STPG2: variants seen among roughly 807,000 people sequenced by gnomAD.
STPG2 encodes the protein sperm tail PG-rich repeat containing 2.
A neutral mutation model predicts 54.2 loss-of-function variants in STPG2; 56 were observed. The ratio of observed to expected loss-of-function variants is 1.03; its 90% CI spans 0.83 to 1.29. The LOEUF is 1.29. STPG2 is among the 50% of genes most tolerant of loss of function. The probability of loss-of-function intolerance (pLI) is 0.00; values close to 1 mark genes in which losing one functional copy is unlikely to be tolerated. For missense variants in STPG2, 596 were observed against 544.9 expected (o/e 1.09, Z -0.93); for synonymous variants, 200 against 181.8 (o/e 1.10, Z -0.81).
At chr4:97,855,202 G>T (rs1263027225) in intron 8 of STPG2, among the ~76,000 whole-genome samples, 1 of 152,086 alleles carries the variant, frequency 6.6e-6, no homozygotes, top group East Asian at 1.9e-4. Flanking sequence ...AAATAATGCT[G>T]CAACAAATAT....
intron 6 of STPG2, among the ~76,000 whole-genome samples, chr4:97,973,561 G>C (rs1169617654): frequency 6.6e-6 from 1 of 152,190 alleles, no homozygotes; most frequent in Non-Finnish European, 1.5e-5. Context: ...AAGACAATGG[G>C]AAAAATGTCT....
intron 10 of STPG2, among the ~76,000 whole-genome samples, chr4:97,641,775 T>A (rs1721773559): frequency 1.3e-5 from 2 of 151,490 alleles, no homozygotes; most frequent in African/African-American, 4.8e-5. Context: ...AACAATATTT[T>A]ATATTGCTTT....
At chr4:97,491,104 G>C (rs1712886997) in intron 4 of STPG2, among the ~76,000 whole-genome samples, 1 of 151,236 alleles carries the variant, frequency 6.6e-6, no homozygotes, top group Non-Finnish European at 1.5e-5. Flanking sequence ...TCTTGACTGA[G>C]ACCTAAGTCC....
At chr4:98,017,732 G>C (rs539575902) in intron 5 of STPG2, among the ~76,000 whole-genome samples, 1 of 152,260 alleles carries the variant, frequency 6.6e-6, no homozygotes, top group African/African-American at 2.4e-5. Context: ...ATCTCAAATT[G>C]TAATTCTCAC....
intron 4 of STPG2, among the ~76,000 whole-genome samples, chr4:97,453,892 G>C (rs59306866): frequency 0.08 from 12,124 of 152,024 alleles, 1,395 homozygotes; most frequent in African/African-American, 0.25. Context: ...TCTGAATTTG[G>C]GCACTAGAGA....
At chr4:98,105,449 A>G (rs185304253) in intron 5 of STPG2, among the ~76,000 whole-genome samples, 2 of 152,116 alleles carry the variant, frequency 1.3e-5, no homozygotes, top group Non-Finnish European at 2.9e-5. Flanking sequence ...CCAAGTTCAG[A>G]GCTCCAAGAA....
chr4:97,499,999 T>TATCAC (rs1730690445), intron 4 of STPG2, among the ~76,000 whole-genome samples: 1 of 151,034 alleles, frequency 6.6e-6, no homozygotes, highest in African/African-American at 2.4e-5. Flanking sequence ...CCATGGAGAG[T>TATCAC]TTCAAACACA....
chr4:97,899,706 A>C (rs1367278314), intron 8 of STPG2, among the ~76,000 whole-genome samples: 1 of 152,170 alleles, frequency 6.6e-6, no homozygotes, highest in East Asian at 1.9e-4. Flanking sequence ...AACCTGACAA[A>C]AACATGCAAT....
chr4:97,442,538 G>T (rs925806905), intron 4 of STPG2, among the ~76,000 whole-genome samples: 1 of 152,066 alleles, frequency 6.6e-6, no homozygotes, highest in Non-Finnish European at 1.5e-5. Context: ...GGTCTTCAGT[G>T]GTAATAATAC....
intron 10 of STPG2, among the ~76,000 whole-genome samples, chr4:97,653,413 C>T (rs1046179689): frequency 2.7e-5 from 4 of 150,770 alleles, no homozygotes; most frequent in African/African-American, 7.3e-5. Flanking sequence ...TGAAACTCTA[C>T]GTCTCTCTTC....
chr4:97,800,860 C>A (rs1036022491), intron 9 of STPG2, among the ~76,000 whole-genome samples: 2 of 152,172 alleles, frequency 1.3e-5, no homozygotes, highest in African/African-American at 2.4e-5. Context: ...ACTTTGTTTA[C>A]CTACTCAAGC....
chr4:97,967,503 C>T (rs148124270), intron 7 of STPG2, among the ~76,000 whole-genome samples: 63,791 of 151,458 alleles, frequency 0.42, 13,851 homozygotes, highest in Admixed American at 0.53. Flanking sequence ...CTGCACCAAG[C>T]AGACCTAATA....
intron 9 of STPG2, among the ~76,000 whole-genome samples, chr4:97,786,251 T>G (rs1164006889): frequency 6.6e-6 from 1 of 152,020 alleles, no homozygotes; most frequent in Non-Finnish European, 1.5e-5. Flanking sequence ...GAATTTAGAA[T>G]AGAATTTTCA....
At position 97,712,799 on chromosome 4, in the gene STPG2, T is replaced by C. The variant is rs752912879; in HGVS notation, c.1220A>G (p.Asn407Ser). ...VTDGPGPAAY[N>S]PVLRKSCPIP... Reference sequence around the variant, plus strand: ...GGGGCAAGATTTCCTTAAAACAGGATTGTATGCTGCAGGACCTGAGAGACA... The same window carrying C: ...GGGGCAAGATTTCCTTAAAACAGGACTGTATGCTGCAGGACCTGAGAGACA... The change falls in exon 10 of 11, where the codon AAT becomes AGT. Residue 407 changes from asparagine to serine, a missense_variant. Coordinates refer to ENST00000295268, the MANE Select transcript of STPG2 (RefSeq NM_174952.3). The C allele has an allele frequency of 2.5e-6, 4 of 1,605,440 alleles. No individual in the cohort carries two copies. The South Asian group carries it at 4.5e-5, about 18-fold the overall frequency.
At chr4:97,808,545 G>T (rs979138947) in intron 9 of STPG2, among the ~76,000 whole-genome samples, 1 of 151,264 alleles carries the variant, frequency 6.6e-6, no homozygotes, top group South Asian at 2.1e-4. Context: ...CAATAAAAAC[G>T]CAGAAATAGA....
intron 1 of STPG2, among the ~76,000 whole-genome samples, chr4:98,136,141 G>A (rs1209453400): frequency 1.3e-5 from 2 of 151,422 alleles, no homozygotes; most frequent in East Asian, 3.9e-4. Context: ...AAGATAAAGG[G>A]AAGATATAAA....
chr4:97,735,502 T>A (rs1319643056), intron 9 of STPG2, among the ~76,000 whole-genome samples: 3 of 150,870 alleles, frequency 2.0e-5, no homozygotes. Context: ...CAGTGCTATA[T>A]AATTCATCCC....
chr4:97,442,921 T>G (rs1729126616), intron 4 of STPG2, among the ~76,000 whole-genome samples: 1 of 152,162 alleles, frequency 6.6e-6, no homozygotes, highest in Non-Finnish European at 1.5e-5. Flanking sequence ...GAGATATTCT[T>G]TCTTAATTGT....
At chr4:97,478,683 T>G (rs1000478686) in intron 4 of STPG2, among the ~76,000 whole-genome samples, 4 of 152,062 alleles carry the variant, frequency 2.6e-5, no homozygotes. Context: ...GTTTGTTAGG[T>G]TTTCTCTTTT....
Sources: gnomAD v4.1 joint callset for allele counts (sites outside exome capture counted in the v4.1 genomes callset) on GRCh38, gnomAD v4.1.1 for gene constraint, MANE v1.5 for transcripts, NCBI Gene and HGNC (gene_info 2026-07-23, HGNC 2026-07-21) for gene names.